Variants in DNAH17 observed in about 807,000 individuals in gnomAD.
DNAH17 encodes the protein axonemal beta dynein heavy chain 17.
DNAH17 carries 376 observed loss-of-function variants against 485.6 expected under a neutral mutation model. The ratio of observed to expected loss-of-function variants is 0.77; its 90% CI spans 0.71 to 0.84. The LOEUF is 0.84. Among genes scored for constraint, DNAH17 ranks in the 40% least tolerant of loss-of-function variants. DNAH17 has a pLI of 0.00. For missense variants in DNAH17, 6,370 were observed against 5,839.3 expected (o/e 1.09, Z -2.96); for synonymous variants, 3,031 against 2,405.9 (o/e 1.26, Z -7.60).
intron 42 of DNAH17, 141 bp from the exon 43 acceptor site, chr17:78,491,711 G>T: frequency 7.4e-7 from 1 of 1,344,322 alleles, no homozygotes; most frequent in Non-Finnish European, 9.9e-7. Context: ...CGGGCATGAG[G>T]TGCCCAGGCT....
At chr17:78,548,202 CTTTTTTTT>C (rs34701814) in intron 16 of DNAH17, among the ~76,000 whole-genome samples, 2 of 80,102 alleles carry the variant, frequency 2.5e-5, no homozygotes, top group South Asian at 4.6e-4. Flanking sequence ...ATGTCATGGC[CTTTTTTTT>C]TTTTTTTTTT....
chr17:78,529,878 A>C (rs1266071385), intron 21 of DNAH17, among the ~76,000 whole-genome samples, 184 bp from the exon 22 acceptor site: 1 of 152,032 alleles, frequency 6.6e-6, no homozygotes, highest in Non-Finnish European at 1.5e-5. Context: ...CCCTGCCCAG[A>C]CATCACCCCA....
chr17:78,436,579 G>A (rs974954269), intron 74 of DNAH17, among the ~76,000 whole-genome samples: 3 of 151,954 alleles, frequency 2.0e-5, no homozygotes, highest in African/African-American at 4.8e-5. Context: ...GAGCACCCCC[G>A]AGGACAAGAG....
At position 78,543,989 on chromosome 17, in the gene DNAH17, C is replaced by T. The variant is rs771924414; in HGVS notation, c.2400G>A (p.Ser800=). Residue 800 remains serine, a synonymous_variant, in exon 17 of 81, where the codon TCG becomes TCA. Coordinates refer to ENST00000389840, the MANE Select transcript of DNAH17 (RefSeq NM_173628.4). ...EGISQAMKDW[S]ANPLFERKDN... ...CCTTTCTTTCAAACAGCGGGTTGGC[C>T]GACCAGTCCTGGAAGGAAAGCACAG... is the stretch of plus-strand genomic sequence containing the variant. 109 of 1,613,854 alleles carry T rather than the reference C, an allele frequency of 6.8e-5. No homozygotes were observed. The highest frequency in any genetic ancestry group is 8.2e-5 in the Non-Finnish European group (97 of 1,179,892).
At chr17:78,488,541 C>A (rs1195967886) in intron 44 of DNAH17, among the ~76,000 whole-genome samples, 4 of 152,170 alleles carry the variant, frequency 2.6e-5, no homozygotes, top group Non-Finnish European at 5.9e-5. Flanking sequence ...TTCCTGTCCC[C>A]GTGTCTCAGC....
intron 69 of DNAH17, among the ~76,000 whole-genome samples, chr17:78,446,050 T>A (rs1171853851): frequency 5.3e-5 from 8 of 151,758 alleles, no homozygotes; most frequent in African/African-American, 1.9e-4. Context: ...GGTGCATGCC[T>A]GTAGTCCTAG....
chr17:78,523,639 C>G (rs74697826), intron 25 of DNAH17, among the ~76,000 whole-genome samples: 9,251 of 152,346 alleles, frequency 0.061, 385 homozygotes, highest in South Asian at 0.13. Context: ...ATACTGGAGG[C>G]TGATGCCTGT....
At position 78,485,429 on chromosome 17, in the gene DNAH17, G is replaced by A. The variant is rs976947417; in HGVS notation, c.7483+121C>T. On this transcript the variant is annotated intron_variant, in intron 47 of 80. Coordinates refer to ENST00000389840, the MANE Select transcript of DNAH17 (RefSeq NM_173628.4). ...AAGGAAAGGCCAGCGGGTGGGGCAT[G>A]GGAAGTGAGGAGGTGCAAAGTGGCT... The A allele has an allele frequency of 3.1e-5, 30 of 958,784 alleles. No homozygotes were observed. The African/African-American group carries it at 3.6e-4, about 11-fold the overall frequency. The allele number at this position is 958,784 out of a possible 1,614,324, so 59.4% of individuals were successfully genotyped here.
At chr17:78,483,754 A>G (rs2089456590) in intron 48 of DNAH17, among the ~76,000 whole-genome samples, 1 of 152,166 alleles carries the variant, frequency 6.6e-6, no homozygotes, top group Admixed American at 6.5e-5. Context: ...TTCATGAACG[A>G]GCAGACTAGT....
At position 78,453,530 on chromosome 17, in the gene DNAH17, C is replaced by T. The variant is rs115420634; in HGVS notation, c.10407-65G>A. 3,586 of 1,591,936 alleles carry T rather than the reference C, an allele frequency of 2.3e-3. 98 individuals are homozygous for T. The African/African-American group carries it at 0.043, about 19-fold the overall frequency. ...CTCGTGATGGAACGGTGCGCACGCTCCGACCAGCAGCCCCTGCCCTCTGAG... is the reference window on the plus strand; with the variant it reads ...CTCGTGATGGAACGGTGCGCACGCTTCGACCAGCAGCCCCTGCCCTCTGAG... On this transcript the variant is annotated intron_variant, in intron 64 of 80. Coordinates refer to ENST00000389840, the MANE Select transcript of DNAH17 (RefSeq NM_173628.4).
At chr17:78,430,943 C>T (rs2146424010) in intron 75 of DNAH17, among the ~76,000 whole-genome samples, 1 of 152,238 alleles carries the variant, frequency 6.6e-6, no homozygotes, top group South Asian at 2.1e-4. Context: ...TGCAGTGGTA[C>T]AAACATGGCT....
rs1431164724 is a variant in DNAH17 at position 78,502,924 on chromosome 17, T to C, written c.5044A>G (p.Lys1682Glu). 2 of 1,613,940 alleles carry C rather than the reference T, an allele frequency of 1.2e-6. No individual in the cohort carries two copies. Among genetic ancestry groups the C allele is most frequent in the Admixed American group, 3.3e-5 (2 of 60,008 alleles). The change falls in exon 32 of 81, where the codon AAG becomes GAG. Residue 1682 changes from lysine to glutamate, a missense_variant. Coordinates refer to ENST00000389840, the MANE Select transcript of DNAH17 (RefSeq NM_173628.4). ...TCCAGGATCCACTGCTCCCTCGGCT[T>C]CTCTTCGTAGGTCACCACGGCCTCT... is the stretch of plus-strand genomic sequence containing the variant. ...IPEAVVTYEE[K>E]PREQWILDYP...
chr17:78,476,622 G>C lies in DNAH17; in HGVS notation c.8104C>G (p.Gln2702Glu), dbSNP rs770497610. 8 of 1,611,604 alleles carry C rather than the reference G, an allele frequency of 5.0e-6. No homozygotes were observed. In the Admixed American group the frequency reaches 5.0e-5, roughly 10 times the overall value. Reference protein sequence around the residue: ...YGDKMVDEKDQETLHRVTMAS... With the variant: ...YGDKMVDEKDEETLHRVTMAS... ...ATGGTGACTCTATGCAATGTTTCCT[G>C]GTCTTTTTCGTCAACCATTTTGTCA... The change falls in exon 52 of 81, where the codon CAG (glutamine) becomes GAG (glutamate). Residue 2702 changes from glutamine (Q) to glutamate (E), a missense_variant. By Grantham distance (29) the Gln-to-Glu change is conservative (BLOSUM62 2). Coordinates refer to ENST00000389840, the MANE Select transcript of DNAH17 (RefSeq NM_173628.4).
At position 78,451,558 on chromosome 17, in the gene DNAH17, T is replaced by C. The variant is rs942642077; in HGVS notation, c.10645A>G (p.Ile3549Val). 2 of 1,613,774 alleles carry C rather than the reference T, an allele frequency of 1.2e-6. No homozygotes were observed. The highest frequency in any genetic ancestry group is 1.7e-6 in the Non-Finnish European group (2 of 1,179,772). The change falls in exon 66 of 81, where the codon ATC (isoleucine) becomes GTC (valine). Residue 3549 changes from isoleucine to valine, a missense_variant. Physicochemically the swap from Ile to Val is conservative, Grantham distance 29. Transcript: ENST00000389840. ...CCATCCCTGGTGACCAGGAAGTTGA[T>C]GAGGGTGCACTGAGCCTGCATCTCT... ...KPEMQAQCTL[I>V]NFLVTRDGLE...
chr17:78,564,448 C>T (rs139715557), intron 11 of DNAH17, among the ~76,000 whole-genome samples: 1,525 of 152,142 alleles, frequency 0.01, 33 homozygotes, highest in African/African-American at 0.035. Context: ...GTGCAGGAGC[C>T]ACAGAAGCCA....
intron 20 of DNAH17, 87 bp downstream of exon 20, chr17:78,532,395 A>G (rs2091264043): frequency 4.1e-6 from 6 of 1,473,800 alleles, no homozygotes; most frequent in Non-Finnish European, 5.4e-6. Flanking sequence ...TCTTAAAACA[A>G]TTCACCCAAG....
At chr17:78,461,277 G>A (rs559287704) in intron 58 of DNAH17, among the ~76,000 whole-genome samples, 26 of 152,320 alleles carry the variant, frequency 1.7e-4, no homozygotes, top group African/African-American at 5.5e-4. Context: ...ACAAGCTTCT[G>A]GTGAGGCTGC....
intron 51 of DNAH17, 134 bp downstream of exon 51, chr17:78,478,876 CCATCACCACCATTAT>C: frequency 1.5e-6 from 1 of 657,862 alleles, no homozygotes; most frequent in Admixed American, 3.1e-5. Context: ...ACCACCATTA[CCATCACCACCATTAT>C]TATCATCATT....
intron 19 of DNAH17, among the ~76,000 whole-genome samples, chr17:78,535,662 A>C (rs2091355444): frequency 6.6e-6 from 1 of 152,194 alleles, no homozygotes; most frequent in Non-Finnish European, 1.5e-5. Context: ...GCATGAGAGG[A>C]AACGCCTGCA....
Sources: allele counts gnomAD v4.1 joint callset (sites outside exome capture counted in the v4.1 genomes callset), GRCh38; gene constraint gnomAD v4.1.1; transcripts MANE v1.5; gene names NCBI Gene and HGNC (gene_info 2026-07-23, HGNC 2026-07-21).